The following SIMC1 variants were observed in gnomAD, a reference collection of about 807,000 sequenced individuals.
The protein encoded by SIMC1 is SUMO interacting motifs containing 1.
A neutral mutation model predicts 82.3 loss-of-function variants in SIMC1; 55 were observed. The observed-to-expected ratio is 0.67, with a 90% CI of 0.54 to 0.84. SIMC1 has a LOEUF of 0.84. Ranked by LOEUF, SIMC1 falls within the 40% of genes least tolerant of loss-of-function variation. SIMC1 has a pLI of 0.00. For missense variants in SIMC1, 915 were observed against 1,107.2 expected, an observed-to-expected ratio of 0.83 and a Z score of 2.46; for synonymous variants, 353 against 426.3, an observed-to-expected ratio of 0.83 and a Z score of 2.12.
intron 1 of SIMC1, among the ~76,000 whole-genome samples, chr5:176,248,901 G>A (rs1194470949): frequency 6.6e-5 from 10 of 152,086 alleles, no homozygotes; most frequent in Admixed American, 1.3e-4. Context: ...GATGGATTAC[G>A]TTTATTGATT....
In SIMC1 at chr5:176,263,453, G is replaced by A. The variant is rs148987335; in HGVS notation, c.129+24816G>A. The A allele has an allele frequency of 4.1e-4, 635 of 1,547,570 alleles. 4 individuals are homozygous for A. The African/African-American group carries it at 7.6e-3, about 19-fold the overall frequency. On this transcript the variant is annotated intron_variant, in intron 1 of 9. Coordinates refer to ENST00000429602, the MANE Select transcript of SIMC1 (RefSeq NM_001308195.2). ...AGCATGGCACCAGCATCTGCTTCTG[G>A]TGAGGACCTCAGGAAGCTTCCAACC...
intron 1 of SIMC1, among the ~76,000 whole-genome samples, chr5:176,284,193 A>G (rs1763152976): frequency 6.6e-6 from 1 of 152,136 alleles, no homozygotes; most frequent in Admixed American, 6.6e-5. Flanking sequence ...CATCTACAGA[A>G]CTCTCCACCC....
chr5:176,337,020 G>A, intron 8 of SIMC1, 42 bp from the exon 9 acceptor site: 1 of 1,606,774 alleles, frequency 6.2e-7, no homozygotes, highest in Non-Finnish European at 8.5e-7. Context: ...AATTTTAACT[G>A]GGGAAGGCAT....
intron 4 of SIMC1, among the ~76,000 whole-genome samples, chr5:176,299,156 G>T (rs1763938142): frequency 6.6e-6 from 1 of 152,202 alleles, no homozygotes; most frequent in African/African-American, 2.4e-5. Flanking sequence ...CACTTTGGGA[G>T]ACCAATGTAG....
chr5:176,283,536 GA>G (rs1350898139), intron 1 of SIMC1, among the ~76,000 whole-genome samples: 23 of 152,306 alleles, frequency 1.5e-4, no homozygotes, highest in Admixed American at 1.4e-3. Flanking sequence ...ACTAAACATG[GA>G]AAGGAAGAAC....
intron 4 of SIMC1, among the ~76,000 whole-genome samples, chr5:176,307,546 G>A (rs1054958345): frequency 5.9e-5 from 9 of 151,974 alleles, no homozygotes; most frequent in African/African-American, 1.5e-4. Flanking sequence ...GACTACAGGC[G>A]CCCGCCACCA....
At chr5:176,247,781 G>A (rs1166294311) in intron 1 of SIMC1, among the ~76,000 whole-genome samples, 1 of 151,532 alleles carries the variant, frequency 6.6e-6, no homozygotes, top group East Asian at 1.9e-4. Context: ...GTTAATTTTT[G>A]TATAAGGTGT....
chr5:176,336,994 T>C (rs1765929706), intron 8 of SIMC1, 68 bp from the exon 9 acceptor site: 3 of 1,604,084 alleles, frequency 1.9e-6, no homozygotes, highest in African/African-American at 1.3e-5. Flanking sequence ...TAAAGGTGAA[T>C]TGAAAACTGT....
intron 7 of SIMC1, among the ~76,000 whole-genome samples, chr5:176,331,887 T>TG (rs1765685804): frequency 6.6e-6 from 1 of 151,872 alleles, no homozygotes; most frequent in Non-Finnish European, 1.5e-5. Context: ...GAGAATCGCT[T>TG]GAACCCAGGA....
chr5:176,343,935 C>T (rs1021596533), intron 9 of SIMC1, among the ~76,000 whole-genome samples: 11 of 152,004 alleles, frequency 7.2e-5, no homozygotes, highest in Admixed American at 3.9e-4. Flanking sequence ...GCTGGGATTA[C>T]AGGCATGCAC....
intron 1 of SIMC1, among the ~76,000 whole-genome samples, chr5:176,241,577 A>C (rs1408938237): frequency 1.3e-5 from 2 of 151,918 alleles, no homozygotes; most frequent in Non-Finnish European, 2.9e-5. Flanking sequence ...CTAACCCTTG[A>C]AGAACACGGG....
At chr5:176,280,721 C>T (rs990122706) in intron 1 of SIMC1, among the ~76,000 whole-genome samples, 1 of 152,074 alleles carries the variant, frequency 6.6e-6, no homozygotes, top group Non-Finnish European at 1.5e-5. Flanking sequence ...ATATGAAATT[C>T]TGGGTTGAAA....
chr5:176,292,169 AATT>A (rs1368266424), intron 2 of SIMC1, among the ~76,000 whole-genome samples: 75 of 152,330 alleles, frequency 4.9e-4, no homozygotes, highest in African/African-American at 1.7e-3. Context: ...GGGCCTCCAA[AATT>A]ATTACTTGCT....
At chr5:176,345,037 A>C in intron 9 of SIMC1, 146 bp from the exon 10 acceptor site, 1 of 943,670 alleles carries the variant, frequency 1.1e-6, no homozygotes. Flanking sequence ...AAGTGGAGTT[A>C]CTGCAGGCAC....
chr5:176,279,663 G>A (rs1762890342), intron 1 of SIMC1, among the ~76,000 whole-genome samples: 1 of 150,262 alleles, frequency 6.7e-6, no homozygotes, highest in African/African-American at 2.5e-5. Flanking sequence ...CAGAGATTCT[G>A]GTATGTTGTG....
intron 4 of SIMC1, chr5:176,296,800 T>C (rs1322861095): frequency 6.5e-6 from 1 of 153,780 alleles, no homozygotes; most frequent in African/African-American, 2.4e-5. Context: ...AGATTTAGTA[T>C]ATTTACTTAT....
chr5:176,250,894 T>G (rs1761627917), intron 1 of SIMC1, among the ~76,000 whole-genome samples: 1 of 152,212 alleles, frequency 6.6e-6, no homozygotes, highest in African/African-American at 2.4e-5. Context: ...AGCACACCAA[T>G]GGGTCTTGAC....
At chr5:176,252,482 C>T (rs1432035320) in intron 1 of SIMC1, among the ~76,000 whole-genome samples, 22 of 150,060 alleles carry the variant, frequency 1.5e-4, no homozygotes, top group African/African-American at 4.4e-4. Flanking sequence ...TGGGCAGAGG[C>T]GCTCCTCACA....
At chr5:176,274,351 T>C (rs1310335134) in intron 1 of SIMC1, among the ~76,000 whole-genome samples, 1 of 150,534 alleles carries the variant, frequency 6.6e-6, no homozygotes, top group Non-Finnish European at 1.5e-5. Context: ...TTGATGGGGT[T>C]GTTTGTTTTT....
Sources: gnomAD v4.1 joint callset for allele counts (sites outside exome capture counted in the v4.1 genomes callset) on GRCh38, gnomAD v4.1.1 for gene constraint, MANE v1.5 for transcripts, NCBI Gene and HGNC (gene_info 2026-07-23, HGNC 2026-07-21) for gene names.